The following MYB variants were observed in gnomAD, a reference collection of about 807,000 sequenced individuals.
MYB encodes the protein MYB proto-oncogene, transcription factor.
A neutral mutation model predicts 92.9 loss-of-function variants in MYB; 28 were observed. The ratio of observed to expected loss-of-function variants is 0.30; its 90% confidence interval spans 0.22 to 0.41. MYB has a LOEUF of 0.41. Ranked by LOEUF, MYB falls within the 10% of genes least tolerant of loss-of-function variation. MYB has a pLI of 1.00. For missense variants in MYB, 679 were observed against 929.3 expected (o/e 0.73, Z 3.50); for synonymous variants, 295 against 329.1 (o/e 0.90, Z 1.12).
At chr6:135,193,719 AT>A in intron 6 of MYB, 118 bp from the exon 7 acceptor site, 1 of 637,230 alleles carries the variant, frequency 1.6e-6, no homozygotes. Context: ...TGTTTAGTGT[AT>A]TTTATCAGTA....
At chr6:135,203,838 T>C in intron 15 of MYB, 1 of 1,260,734 alleles carries the variant, frequency 7.9e-7, no homozygotes, top group Non-Finnish European at 1.0e-6. Flanking sequence ...GTGAGGCCGA[T>C]CTGAAGTTGA....
chr6:135,191,756 C>T (rs1401526850), intron 5 of MYB, among the ~76,000 whole-genome samples: 1 of 152,110 alleles, frequency 6.6e-6, no homozygotes, highest in Non-Finnish European at 1.5e-5. Context: ...CTTTGGGATC[C>T]CATTTTCCAC....
chr6:135,203,345 G>A (rs977628430), intron 15 of MYB, 21 bp downstream of exon 15: 2 of 1,513,420 alleles, frequency 1.3e-6, no homozygotes. Context: ...TTCCAACATT[G>A]GTATTTTAAA....
intron 1 of MYB, among the ~76,000 whole-genome samples, chr6:135,184,128 G>T (rs138294498): frequency 9.9e-5 from 15 of 152,254 alleles, no homozygotes; most frequent in African/African-American, 3.6e-4. Context: ...AATGTGCTCA[G>T]TTCTGAAAAT....
At chr6:135,195,357 C>CATTAAACAA in intron 8 of MYB, 1 of 177,546 alleles carries the variant, frequency 5.6e-6, no homozygotes, top group Non-Finnish European at 1.2e-5. Flanking sequence ...CCTGAGTCCT[C>CATTAAACAA]TAGCTTTTTT....
chr6:135,185,733 C>T (rs779815285), intron 1 of MYB, 170 bp from the exon 2 acceptor site: 3 of 633,618 alleles, frequency 4.7e-6, no homozygotes, highest in Non-Finnish European at 8.4e-6. Context: ...AACCAGTTTA[C>T]AATACTAGAG....
At chr6:135,208,573 G>T (rs1424580375) in intron 15 of MYB, among the ~76,000 whole-genome samples, 4 of 149,180 alleles carry the variant, frequency 2.7e-5, no homozygotes, top group African/African-American at 7.4e-5. Flanking sequence ...TAGAGATGGG[G>T]TCTCCCTGTG....
chr6:135,194,073 G>A (rs1013911944), intron 7 of MYB, among the ~76,000 whole-genome samples, 155 bp downstream of exon 7: 1 of 152,178 alleles, frequency 6.6e-6, no homozygotes, highest in African/African-American at 2.4e-5. Flanking sequence ...TATTAATCTT[G>A]TCTTCTAGAA....
At chr6:135,204,271 G>A (rs1223142704) in intron 15 of MYB, among the ~76,000 whole-genome samples, 5 of 152,132 alleles carry the variant, frequency 3.3e-5, no homozygotes, top group Non-Finnish European at 7.4e-5. Flanking sequence ...AAGTATTTGT[G>A]ATGCTTAGTT....
chr6:135,204,522 C>T (rs116090954), intron 15 of MYB, among the ~76,000 whole-genome samples: 7,879 of 152,188 alleles, frequency 0.052, 689 homozygotes, highest in African/African-American at 0.17. Flanking sequence ...AGGCAGGTCT[C>T]GAATTCCTGG....
chr6:135,195,772 C>T lies in MYB; in HGVS notation c.973C>T (p.Pro325Ser), dbSNP rs1162709348. Residue 325 changes from proline (P) to serine (S), a missense_variant, in exon 9 of 16, where the codon CCC becomes TCC. Physicochemically the swap from Pro to Ser is moderately conservative, Grantham distance 74. Transcript: ENST00000341911. The part of the protein sequence containing the change: ...LPTQNHTCSY[P>S]GWHSTTIADH... ...GACACAGAACCACACATGCAGCTAC[C>T]CCGGGTGGCACAGCACCACCATTGC... The T allele has an allele frequency of 6.2e-7, 1 of 1,614,160 alleles. No homozygotes were observed. Among genetic ancestry groups the T allele is most frequent in the Non-Finnish European group, 8.5e-7 (1 of 1,180,018 alleles).
At position 135,181,442 on chromosome 6, in the gene MYB, C is replaced by T; in HGVS notation, c.-72C>T. The T allele has an allele frequency of 2.9e-6, 3 of 1,046,508 alleles. No individual in the cohort carries two copies. The highest frequency in any genetic ancestry group is 3.7e-5 in the South Asian group (1 of 27,234). The allele number at this position is 1,046,508 out of a possible 1,614,324, so 64.8% of individuals were successfully genotyped here. A position where few individuals can be genotyped will look rare whatever the true frequency, so the allele number is the denominator to read the frequency against. On this transcript the variant is annotated 5_prime_UTR_variant, in exon 1 of 16. Coordinates refer to ENST00000341911, the MANE Select transcript of MYB (RefSeq NM_001130173.2). The surrounding 1 kb of genome is among the most constrained non-coding windows in gnomAD (Gnocchi z 5.3). ...GCAGCCGGGGAGGGACGCAGGCAGG[C>T]GGCGGGCAGCGGGAGGCGGCAGCCC...
chr6:135,202,986 G>A (rs556406009), intron 14 of MYB: 2 of 699,346 alleles, frequency 2.9e-6, no homozygotes, highest in Non-Finnish European at 5.2e-6. Flanking sequence ...AGAACTCTGG[G>A]ATCCCAAAGG....
chr6:135,192,564 C>T lies in MYB; in HGVS notation c.762+6C>T. 6.2e-7 allele frequency: 1 copy of T among 1,610,548 alleles called. No homozygotes were observed. The highest frequency in any genetic ancestry group is 1.7e-4 in the Middle Eastern group (1 of 6,058). On this transcript the variant is annotated splice_donor_region_variant and intron_variant, in intron 6 of 15. Coordinates refer to ENST00000341911, the MANE Select transcript of MYB (RefSeq NM_001130173.2). ...ACATTTCTGAAGCACAAAATGTAAG[C>T]CATTCCTGTGAATCTAGTTTAATGA...
At chr6:135,189,971 T>G (rs562561685) in intron 4 of MYB, 88 bp downstream of exon 4, 1 of 1,448,618 alleles carries the variant, frequency 6.9e-7, no homozygotes, top group Non-Finnish European at 9.5e-7. Flanking sequence ...GCAGGTAAAA[T>G]GGGCAAACAG....
At chr6:135,189,695 C>G (rs1776391337) in intron 3 of MYB, 96 bp from the exon 4 acceptor site, 1 of 914,938 alleles carries the variant, frequency 1.1e-6, no homozygotes, top group East Asian at 2.5e-5. Flanking sequence ...TAAATATTTT[C>G]ACTGCATATG....
intron 15 of MYB, among the ~76,000 whole-genome samples, chr6:135,206,599 G>A (rs1030506950): frequency 2.6e-5 from 4 of 152,084 alleles, no homozygotes; most frequent in Admixed American, 6.5e-5. Flanking sequence ...GGGAGGCTGC[G>A]GCAGGAGAAT....
At position 135,200,115 on chromosome 6, in the gene MYB, C is replaced by G. The variant is rs1465967713; in HGVS notation, c.1740C>G (p.Ile580Met). ...GAACCCCAGCTATCAAAAGGTCAAT[C>G]TTAGAAAGCTCTCCAAGAACTCCTA... Reference protein sequence around the residue: ...VFRTPAIKRSILESSPRTPTP... With the variant: ...VFRTPAIKRSMLESSPRTPTP... Residue 580 changes from isoleucine (I) to methionine (M), a missense_variant, in exon 12 of 16, where the codon ATC becomes ATG. Physicochemically the swap from Ile to Met is conservative, Grantham distance 10 (BLOSUM62 1). Coordinates refer to ENST00000341911, the MANE Select transcript of MYB (RefSeq NM_001130173.2). 1 of 1,614,124 alleles carries G rather than the reference C, an allele frequency of 6.2e-7. No homozygotes were observed. Among genetic ancestry groups the G allele is most frequent in the Non-Finnish European group, 8.5e-7 (1 of 1,179,988 alleles).
In MYB at chr6:135,197,035, C is replaced by T. The variant is rs1015839269; in HGVS notation, c.1278C>T (p.His426=). The change falls in exon 10 of 16, where the codon CAC becomes CAT. Residue 426 remains histidine, a synonymous_variant. Coordinates refer to ENST00000341911, the MANE Select transcript of MYB (RefSeq NM_001130173.2). ...EEADFSPSQH[H]TGKALQLQQR... ...CAGATTTTTCACCTAGCCAACATCACACAGGCAAAGCCCTACAGCTTCAGC... is the reference window on the plus strand; with the variant it reads ...CAGATTTTTCACCTAGCCAACATCATACAGGCAAAGCCCTACAGCTTCAGC... 11 of 1,613,894 alleles carry T rather than the reference C, an allele frequency of 6.8e-6. No individual in the cohort carries two copies. Among genetic ancestry groups the T allele is most frequent in the Non-Finnish European group, 9.3e-6 (11 of 1,179,892 alleles).
Sources: allele counts gnomAD v4.1 joint callset (sites outside exome capture counted in the v4.1 genomes callset), GRCh38; gene constraint gnomAD v4.1.1; non-coding constraint Gnocchi (gnomAD v3.1); transcripts MANE v1.5; gene names NCBI Gene and HGNC (gene_info 2026-07-23, HGNC 2026-07-21).